The following DSE variants were observed in gnomAD, a reference collection of about 807,000 sequenced individuals.
DSE encodes the protein dermatan sulfate epimerase, also known as dermatan-sulfate epimerase.
DSE carries 36 observed loss-of-function variants against 84.4 expected under a neutral mutation model. The ratio of observed to expected loss-of-function variants is 0.43; its 90% CI spans 0.33 to 0.56. The LOEUF is 0.56. Ranked by LOEUF, DSE falls within the 20% of genes least tolerant of loss-of-function variation. DSE has a pLI of 0.06. For missense variants in DSE, 862 were observed against 1,169.6 expected (o/e 0.74, Z 3.84); for synonymous variants, 410 against 430.1 (o/e 0.95, Z 0.58).
intron 2 of DSE, among the ~76,000 whole-genome samples, chr6:116,290,265 G>A (rs932002676): frequency 4.6e-5 from 7 of 152,026 alleles, no homozygotes; most frequent in African/African-American, 1.7e-4. Context: ...CGTTTTCTTG[G>A]ATCTGTATCA....
chr6:116,312,252 G>A (rs1043076580), intron 2 of DSE, among the ~76,000 whole-genome samples: 11 of 152,142 alleles, frequency 7.2e-5, no homozygotes, highest in Non-Finnish European at 2.9e-5. Context: ...GTTATGTAAT[G>A]TGCTACTTAA....
chr6:116,410,472 G>A (rs1416954235), intron 2 of DSE, among the ~76,000 whole-genome samples: 3 of 152,158 alleles, frequency 2.0e-5, no homozygotes, highest in African/African-American at 4.8e-5. Context: ...GGTGGCTCAC[G>A]CCTGTAATCT....
At chr6:116,433,891 G>C (rs1418767573) in intron 5 of DSE, among the ~76,000 whole-genome samples, 1 of 152,064 alleles carries the variant, frequency 6.6e-6, no homozygotes, top group Non-Finnish European at 1.5e-5. Context: ...TATTAGAGCT[G>C]TCCTACACTT....
At chr6:116,311,578 TA>T (rs1230824089) in intron 2 of DSE, among the ~76,000 whole-genome samples, 31 of 152,256 alleles carry the variant, frequency 2.0e-4, no homozygotes, top group Non-Finnish European at 1.0e-4. Flanking sequence ...TATAATAGAA[TA>T]AAATGCACCA....
chr6:116,360,162 A>C (rs1049436826), intron 2 of DSE, among the ~76,000 whole-genome samples: 2 of 152,288 alleles, frequency 1.3e-5, no homozygotes, highest in Admixed American at 1.3e-4. Flanking sequence ...ATAAGAACAC[A>C]GGGAGGAGAA....
intron 3 of DSE, among the ~76,000 whole-genome samples, chr6:116,429,771 A>C: frequency 3.1e-5 from 1 of 32,066 alleles, no homozygotes; most frequent in Admixed American, 3.8e-4. Context: ...ACACGGTGAA[A>C]CCCCGTCTCT....
chr6:116,279,914 C>A (rs1582930936), intron 2 of DSE: 2 of 1,576,590 alleles, frequency 1.3e-6, no homozygotes, highest in East Asian at 4.5e-5. Context: ...TCGCACCGCC[C>A]ACCCTACAGT....
At position 116,266,793 on chromosome 6, in the gene DSE, A is replaced by G. The variant is rs569689393; in HGVS notation, c.-54+7826A>G. Among the ~76,000 whole-genome samples the G allele has an allele frequency of 1.4e-4, 22 of 152,304 alleles. No individual in the cohort carries two copies. In the East Asian group the frequency reaches 3.3e-3, roughly 23 times the overall value. ...TAACTAATGGCTTATTTTACAATCA[A>G]TACTTTTAGAGCAGATGAAATAAAT... On this transcript the variant is annotated intron_variant, in intron 2 of 3. Transcript: ENST00000430252.
At chr6:116,433,212 T>C (rs541405918) in intron 4 of DSE, 131 bp from the exon 5 acceptor site, 14 of 875,862 alleles carry the variant, frequency 1.6e-5, no homozygotes, top group Non-Finnish European at 2.4e-5. Context: ...AGGATTGTGA[T>C]TTTTCTTTTA....
At chr6:116,279,262 A>T (rs760960274) in intron 2 of DSE, 1 of 1,606,490 alleles carries the variant, frequency 6.2e-7, no homozygotes. Flanking sequence ...CTCTACCTCC[A>T]TCTGCTCCTC....
At chr6:116,370,394 C>T, upstream of DSE, 1 of 950,694 alleles carries the variant, frequency 1.1e-6, no homozygotes, top group Non-Finnish European at 1.3e-6. Context: ...CCAAAGTCCC[C>T]CCTCCCACTA....
intron 2 of DSE, among the ~76,000 whole-genome samples, chr6:116,261,621 AC>A (rs57345565): frequency 0.019 from 2,823 of 152,252 alleles, 93 homozygotes; most frequent in African/African-American, 0.065. Flanking sequence ...CCTGGCCAGG[AC>A]TTCCAATACT....
intron 2 of DSE, among the ~76,000 whole-genome samples, chr6:116,265,365 G>A (rs1266609433): frequency 1.3e-5 from 2 of 152,138 alleles, no homozygotes; most frequent in African/African-American, 2.4e-5. Context: ...GGTGCTGGCA[G>A]GGACTGGGCT....
intron 2 of DSE, among the ~76,000 whole-genome samples, chr6:116,348,220 G>A (rs1778105153): frequency 6.6e-6 from 1 of 152,160 alleles, no homozygotes; most frequent in Non-Finnish European, 1.5e-5. Context: ...GAGGTCAGGA[G>A]ATCAAGACCA....
intron 2 of DSE, among the ~76,000 whole-genome samples, chr6:116,322,818 A>G (rs1446011880): frequency 6.6e-6 from 1 of 152,140 alleles, no homozygotes; most frequent in Admixed American, 6.6e-5. Context: ...AAATATGGAG[A>G]GAAGAGAGAG....
exon 2 of DSE, chr6:116,258,613 G>T (rs753492419): frequency 6.2e-7 from 1 of 1,612,262 alleles, no homozygotes; most frequent in South Asian, 1.1e-5. Flanking sequence ...CTCAGCAATG[G>T]TCTTAATGTT....
intron 2 of DSE, chr6:116,278,555 C>T: frequency 8.1e-6 from 13 of 1,614,176 alleles, no homozygotes; most frequent in Non-Finnish European, 1.0e-5. Flanking sequence ...GGGATCTCTA[C>T]AGGCTCCCTT....
chr6:116,269,772 A>G (rs1772805360), intron 2 of DSE, among the ~76,000 whole-genome samples: 2 of 152,236 alleles, frequency 1.3e-5, no homozygotes, highest in African/African-American at 2.4e-5. Flanking sequence ...CATACTTTTA[A>G]TAGCTGACTT....
At chr6:116,258,615 C>T in exon 2 of DSE, 1 of 1,612,350 alleles carries the variant, frequency 6.2e-7, no homozygotes, top group Non-Finnish European at 8.5e-7. Flanking sequence ...CAGCAATGGT[C>T]TTAATGTTCC....
Sources: gnomAD v4.1 joint callset for allele counts (sites outside exome capture counted in the v4.1 genomes callset) on GRCh38, gnomAD v4.1.1 for gene constraint, MANE v1.5 for transcripts, NCBI Gene and HGNC (gene_info 2026-07-23, HGNC 2026-07-21) for gene names.